The following NDUFAF7 variants were observed in gnomAD, a reference collection of about 807,000 sequenced individuals.
NDUFAF7 encodes protein arginine methyltransferase NDUFAF7, mitochondrial.
Under a neutral mutation model 47.2 loss-of-function variants are expected in NDUFAF7, and 48 were observed. That is an observed-to-expected ratio of 1.02 (90% CI 0.81 to 1.29). The LOEUF (loss-of-function observed/expected upper bound fraction) is 1.29, where lower values mean the gene tolerates loss of function less well. Among genes scored for constraint, NDUFAF7 ranks in the 50% most tolerant of loss-of-function variants. The pLI is 0.00. For synonymous variants in NDUFAF7, 217 were observed against 190.0 expected, an observed-to-expected ratio of 1.14 and a Z score of -1.17; for missense variants, 635 against 537.6, an observed-to-expected ratio of 1.18 and a Z score of -1.79.
At chr2:37,266,860 T>G in the NDUFAF7 span, among the ~76,000 whole-genome samples, 1 of 152,206 alleles carries the variant, frequency 6.6e-6, no homozygotes, top group African/African-American at 2.4e-5. Context: ...TTGCATATTA[T>G]AAATTATTTA....
downstream of NDUFAF7, among the ~76,000 whole-genome samples, chr2:37,257,182 T>C (rs1432274302): frequency 6.6e-6 from 1 of 152,180 alleles, no homozygotes; most frequent in Non-Finnish European, 1.5e-5. Context: ...GCTTCCAGAA[T>C]ACCAAATACC....
chr2:37,231,761 G>T lies in NDUFAF7; in HGVS notation c.55+1G>T, dbSNP rs139059507. 3.7e-6 allele frequency: 6 copies of T among 1,614,098 alleles called. No homozygotes were observed. The highest frequency in any genetic ancestry group is 4.2e-6 in the Non-Finnish European group (5 of 1,180,038). On this transcript the variant is annotated splice_donor_variant, in intron 1 of 9. Coordinates refer to ENST00000002125, the MANE Select transcript of NDUFAF7 (RefSeq NM_144736.5). LOFTEE classifies it high-confidence loss of function. ...CCGTTGTGTGCCGTGGCGCGCGCAGGTAAGCGTCAGTCCCCTCGAAGCCCG... is the reference window on the plus strand; with the variant it reads ...CCGTTGTGTGCCGTGGCGCGCGCAGTTAAGCGTCAGTCCCCTCGAAGCCCG...
downstream of NDUFAF7, among the ~76,000 whole-genome samples, chr2:37,257,431 C>A (rs558850042): frequency 1.3e-5 from 2 of 151,918 alleles, no homozygotes; most frequent in South Asian, 4.2e-4. Flanking sequence ...TTTGGGAGGC[C>A]GAGGCGGGCG....
At chr2:37,238,370 G>A (rs1274556605) in intron 4 of NDUFAF7, among the ~76,000 whole-genome samples, 5 of 152,058 alleles carry the variant, frequency 3.3e-5, no homozygotes, top group African/African-American at 1.2e-4. Context: ...AGAGGTTGCA[G>A]TGATTGCTGC....
chr2:37,271,348 A>C, the NDUFAF7 span, among the ~76,000 whole-genome samples: 1 of 152,226 alleles, frequency 6.6e-6, no homozygotes, highest in Non-Finnish European at 1.5e-5. Context: ...AAATCAAAAT[A>C]ATATTCTGTG....
the NDUFAF7 span, among the ~76,000 whole-genome samples, chr2:37,266,490 T>C: frequency 8.6e-6 from 1 of 116,008 alleles, no homozygotes; most frequent in Non-Finnish European, 1.8e-5. Context: ...CACACCCGGC[T>C]TTTTTTTTTT....
chr2:37,239,311 G>A (rs1666118815), intron 4 of NDUFAF7, among the ~76,000 whole-genome samples: 2 of 152,000 alleles, frequency 1.3e-5, no homozygotes, highest in Admixed American at 6.6e-5. Flanking sequence ...TAGAGAAGGG[G>A]TTTTACCATG....
the NDUFAF7 span, chr2:37,269,409 TTC>T: frequency 1.8e-6 from 1 of 559,142 alleles, no homozygotes; most frequent in East Asian, 3.0e-5. Flanking sequence ...AATTTTCTGA[TTC>T]TGTTAATTTT....
chr2:37,253,428 TTTG>T (rs1667675330), downstream of NDUFAF7: 4 of 1,312,020 alleles, frequency 3.0e-6, no homozygotes, highest in South Asian at 1.5e-5. Flanking sequence ...TGTGTTTTTT[TTTG>T]TTGTTGTTTA....
Position 37,232,190 on chromosome 2 carries a change from T to G in NDUFAF7, c.140T>G (p.Leu47Arg), listed in dbSNP as rs767578534. 3 of 1,614,148 alleles carry G rather than the reference T, an allele frequency of 1.9e-6. No individual in the cohort carries two copies. Among genetic ancestry groups the G allele is most frequent in the East Asian group, 2.2e-5 (1 of 44,886 alleles). ...ENPVTPMLRH[L>R]MYKIKSTGPI... ...CCGGTGACGCCGATGCTGCGGCATC[T>G]TATGTACAAAATAAAGTCTACTGGT... The change falls in exon 2 of 10, where the codon CTT becomes CGT. Residue 47 changes from leucine (L) to arginine (R), a missense_variant. By Grantham distance (102) the Leu-to-Arg change is moderately radical. Coordinates refer to ENST00000002125, the MANE Select transcript of NDUFAF7 (RefSeq NM_144736.5).
intron 4 of NDUFAF7, among the ~76,000 whole-genome samples, chr2:37,239,701 G>T (rs1008447429): frequency 2.0e-5 from 3 of 151,932 alleles, no homozygotes; most frequent in African/African-American, 7.3e-5. Context: ...GAATATAACA[G>T]TGTTCAACAT....
At chr2:37,269,607 T>C in the NDUFAF7 span, 4 of 1,603,810 alleles carry the variant, frequency 2.5e-6, no homozygotes, top group East Asian at 2.2e-5. Flanking sequence ...ACGGCTGTAG[T>C]TGCTTACCTC....
intron 2 of NDUFAF7, among the ~76,000 whole-genome samples, chr2:37,234,600 A>G (rs1665553731): frequency 6.6e-6 from 1 of 152,234 alleles, no homozygotes; most frequent in African/African-American, 2.4e-5. Context: ...GAACGGAACT[A>G]GAAAGCCTAG....
In NDUFAF7 at chr2:37,248,449, A is replaced by G; in HGVS notation, c.*99A>G. On this transcript the variant is annotated 3_prime_UTR_variant, in exon 10 of 10. Coordinates refer to ENST00000002125, the MANE Select transcript of NDUFAF7 (RefSeq NM_144736.5). ...CAGGTAACAAAAGTCAAAGTATTTT[A>G]TCTTTTCACAGCAAGAACAGTCCAT... The G allele has an allele frequency of 8.6e-7, 1 of 1,159,836 alleles. No homozygotes were observed. The allele number at this position is 1,159,836 out of a possible 1,614,324, so 71.8% of individuals were successfully genotyped here.
At chr2:37,269,268 G>A in the NDUFAF7 span, 1 of 223,720 alleles carries the variant, frequency 4.5e-6, no homozygotes, top group Non-Finnish European at 9.2e-6. Context: ...ATTTGTGTTG[G>A]AAAACTAGTA....
At chr2:37,269,954 G>A in the NDUFAF7 span, among the ~76,000 whole-genome samples, 73 of 152,292 alleles carry the variant, frequency 4.8e-4, no homozygotes, top group African/African-American at 1.5e-3. Context: ...TAGGCCTGGC[G>A]TGGTGGCTCA....
chr2:37,249,474 G>T (rs181449660), downstream of NDUFAF7, among the ~76,000 whole-genome samples: 1 of 151,924 alleles, frequency 6.6e-6, no homozygotes, highest in Admixed American at 6.6e-5. Flanking sequence ...CTACTCACGA[G>T]GCTGAGGTAG....
chr2:37,236,200 A>G (rs1463126305), intron 3 of NDUFAF7, 24 bp downstream of exon 3: 3 of 1,513,334 alleles, frequency 2.0e-6, no homozygotes, highest in Non-Finnish European at 2.8e-6. Flanking sequence ...TAAAGTATGA[A>G]TGAAGCTAAT....
chr2:37,253,453 A>C, downstream of NDUFAF7: 1 of 940,944 alleles, frequency 1.1e-6, no homozygotes, highest in Non-Finnish European at 1.5e-6. Flanking sequence ...TGCCCTAGTC[A>C]AATAATTGAC....
Sources: gnomAD v4.1 joint callset for allele counts (sites outside exome capture counted in the v4.1 genomes callset) on GRCh38, gnomAD v4.1.1 for gene constraint, MANE v1.5 for transcripts, NCBI Gene and HGNC (gene_info 2026-07-23, HGNC 2026-07-21) for gene names.